Variants in DAGLA observed in about 807,000 individuals in gnomAD.
DAGLA encodes the protein diacylglycerol lipase alpha, also known as diacylglycerol lipase-alpha.
DAGLA carries 22 observed loss-of-function variants against 102.6 expected under a neutral mutation model. The ratio of observed to expected loss-of-function variants is 0.21; its 90% confidence interval spans 0.15 to 0.31. The LOEUF is 0.31. Ranked by LOEUF, DAGLA falls within the 10% of genes least tolerant of loss-of-function variation. The pLI is 1.00. For synonymous variants in DAGLA, 578 were observed against 628.9 expected (o/e 0.92, Z 1.21); for missense variants, 927 against 1,446.6 (o/e 0.64, Z 5.83).
At chr11:61,702,625 G>A (rs1445385255) in intron 1 of DAGLA, among the ~76,000 whole-genome samples, 1 of 152,212 alleles carries the variant, frequency 6.6e-6, no homozygotes, top group African/African-American at 2.4e-5. Context: ...CCAGGCCATG[G>A]CTGAGGTGCC....
intron 1 of DAGLA, among the ~76,000 whole-genome samples, chr11:61,718,060 TG>T (rs2065250911): frequency 6.6e-6 from 1 of 151,816 alleles, no homozygotes; most frequent in Non-Finnish European, 1.5e-5. Context: ...GGTCCAAGGG[TG>T]GGAGTGAGAG....
intron 8 of DAGLA, 44 bp downstream of exon 8, chr11:61,729,052 C>T: frequency 6.5e-7 from 1 of 1,547,806 alleles, no homozygotes; most frequent in Non-Finnish European, 8.9e-7. Flanking sequence ...CCCCATCCCT[C>T]CCACTCTGCC....
intron 1 of DAGLA, among the ~76,000 whole-genome samples, chr11:61,690,416 C>T (rs546230496): frequency 1.4e-4 from 22 of 152,278 alleles, no homozygotes; most frequent in Non-Finnish European, 2.1e-4. Context: ...TTGGCATAAG[C>T]GGACACTACC....
At position 61,684,686 on chromosome 11, in the gene DAGLA, T is replaced by C. The variant is rs767191554; in HGVS notation, c.-45+4182T>C. ...TATTACCGCGGGGCTGCCCGGGGAG[T>C]GCACGTGTGTAAAGTTGCTTGTGCC... On this transcript the variant is annotated intron_variant, in intron 1 of 19. Coordinates refer to ENST00000257215, the MANE Select transcript of DAGLA (RefSeq NM_006133.3). This position sits in a 1 kb window ranked among gnomAD's most constrained non-coding sequence, Gnocchi z 4.5. 7.9e-5 allele frequency among the ~76,000 whole-genome samples: 12 copies of C among 151,876 alleles called. No homozygotes were observed. Among genetic ancestry groups the C allele is most frequent in the Non-Finnish European group, 1.8e-4 (12 of 67,980 alleles).
chr11:61,682,750 G>C (rs2064953107), intron 1 of DAGLA, among the ~76,000 whole-genome samples: 1 of 151,868 alleles, frequency 6.6e-6, no homozygotes, highest in Admixed American at 6.6e-5. Context: ...CGTCTTTTGG[G>C]CTGTGGCCTG....
intron 16 of DAGLA, 149 bp downstream of exon 16, chr11:61,738,356 C>A: frequency 1.6e-6 from 1 of 632,816 alleles, no homozygotes; most frequent in Non-Finnish European, 2.8e-6. Flanking sequence ...TTCAGGAAGT[C>A]AGACCCTCAG....
At chr11:61,702,802 G>A (rs1231361138) in intron 1 of DAGLA, among the ~76,000 whole-genome samples, 1 of 152,194 alleles carries the variant, frequency 6.6e-6, no homozygotes, top group African/African-American at 2.4e-5. Context: ...GGGAAGCCAG[G>A]CTTGTCAATG....
rs1343580744 is a variant in DAGLA, at chr11:61,746,748, G to T, written c.*2259G>T. 6.6e-6 allele frequency: 1 copy of T among 152,628 alleles called. No individual in the cohort carries two copies. Among genetic ancestry groups the T allele is most frequent in the South Asian group, 2.1e-4 (1 of 4,832 alleles). The allele number at this position is 152,628 out of a possible 1,614,324, so 9.5% of individuals were successfully genotyped here. ...ATCCCCAGACCTGCAGCACAAGTGC[G>T]CGGGCCTGTCCTCCCAGGGGCCTGG... On this transcript the variant is annotated 3_prime_UTR_variant, in exon 20 of 20. Transcript: ENST00000257215.
rs1454443091 is a variant in DAGLA, at chr11:61,745,482, A to G, written c.*993A>G. The stretch of plus-strand genomic sequence containing the variant: ...GCTTTCCCTCCTCGCTGGCCTGGGC[A>G]CCCTCCTGGGAGCAGGCCTTCCTCC... On this transcript the variant is annotated 3_prime_UTR_variant, in exon 20 of 20. Transcript: ENST00000257215. The G allele has an allele frequency of 6.5e-6, 1 of 152,746 alleles. No individual in the cohort carries two copies. Among genetic ancestry groups the G allele is most frequent in the South Asian group, 2.1e-4 (1 of 4,820 alleles). The allele number at this position is 152,746 out of a possible 1,614,324, so 9.5% of individuals were successfully genotyped here. A position where few individuals can be genotyped will look rare whatever the true frequency, so the allele number is the denominator to read the frequency against.
chr11:61,702,769 C>A (rs2065119049), intron 1 of DAGLA, among the ~76,000 whole-genome samples: 1 of 152,178 alleles, frequency 6.6e-6, no homozygotes, highest in South Asian at 2.1e-4. Flanking sequence ...AGTCACACGG[C>A]CCCAGATGCA....
chr11:61,714,673 G>A (rs1384293275), intron 1 of DAGLA, among the ~76,000 whole-genome samples: 1 of 152,242 alleles, frequency 6.6e-6, no homozygotes, highest in African/African-American at 2.4e-5. Flanking sequence ...GCACCTGGCA[G>A]TGACGCTGCT....
At chr11:61,680,788 C>T (rs2064935269) in intron 1 of DAGLA, among the ~76,000 whole-genome samples, 1 of 152,054 alleles carries the variant, frequency 6.6e-6, no homozygotes, top group Non-Finnish European at 1.5e-5. Context: ...CACCTTGGTG[C>T]GGTGGTGGCC....
chr11:61,721,023 T>A, intron 3 of DAGLA, 133 bp downstream of exon 3: 1 of 814,748 alleles, frequency 1.2e-6, no homozygotes, highest in Non-Finnish European at 1.9e-6. Context: ...AACTAAGGCC[T>A]TCTGTAGCTT....
chr11:61,716,662 G>A (rs1299328114), intron 1 of DAGLA, among the ~76,000 whole-genome samples: 1 of 152,206 alleles, frequency 6.6e-6, no homozygotes, highest in South Asian at 2.1e-4. Context: ...GCCTGAGGTT[G>A]CACCGCCTGT....
At chr11:61,720,289 A>G in intron 2 of DAGLA, 39 bp downstream of exon 2, 1 of 1,594,456 alleles carries the variant, frequency 6.3e-7, no homozygotes, top group Non-Finnish European at 8.6e-7. Context: ...CTGGGTTTGG[A>G]GAGAAAGGTC....
intron 1 of DAGLA, among the ~76,000 whole-genome samples, chr11:61,692,928 G>GA (rs1450065105): frequency 2.0e-5 from 3 of 150,906 alleles, no homozygotes; most frequent in East Asian, 1.9e-4. Flanking sequence ...TTAGATGGAG[G>GA]AAAAAAAAGA....
At chr11:61,715,162 C>T (rs1222496720) in intron 1 of DAGLA, among the ~76,000 whole-genome samples, 1 of 152,190 alleles carries the variant, frequency 6.6e-6, no homozygotes, top group South Asian at 2.1e-4. Context: ...ACCCCTTGCA[C>T]ACACTGTGGA....
At chr11:61,710,706 T>C (rs2065187722) in intron 1 of DAGLA, among the ~76,000 whole-genome samples, 1 of 152,094 alleles carries the variant, frequency 6.6e-6, no homozygotes, top group South Asian at 2.1e-4. Context: ...ACCTGTCTGT[T>C]TGGGAAGATT....
intron 17 of DAGLA, 121 bp downstream of exon 17, chr11:61,739,782 GC>G: frequency 9.6e-7 from 1 of 1,039,998 alleles, no homozygotes; most frequent in Non-Finnish European, 1.4e-6. Context: ...GGAGAAGATG[GC>G]CCAGGGCCTC....
Sources: gnomAD v4.1 joint callset for allele counts (sites outside exome capture counted in the v4.1 genomes callset) on GRCh38, gnomAD v4.1.1 for gene constraint, Gnocchi (gnomAD v3.1) non-coding constraint, MANE v1.5 for transcripts, NCBI Gene and HGNC (gene_info 2026-07-23, HGNC 2026-07-21) for gene names.